The following PPP2R3B variants were observed in gnomAD, a reference collection of about 807,000 sequenced individuals.
The protein encoded by PPP2R3B is protein phosphatase 2 regulatory subunit B''beta.
A neutral mutation model predicts 72.9 loss-of-function variants in PPP2R3B; 68 were observed. The observed-to-expected ratio is 0.93, with a 90% CI of 0.77 to 1.14. The LOEUF (loss-of-function observed/expected upper bound fraction) is 1.14. Ranked by LOEUF, PPP2R3B falls within the 50% of genes most tolerant of loss-of-function variation. PPP2R3B has a pLI of 0.00. For missense variants in PPP2R3B, 1,018 were observed against 842.0 expected (o/e 1.21, Z -2.59); for synonymous variants, 466 against 375.8 (o/e 1.24, Z -2.78).
At position 361,342 on chromosome X, in the gene PPP2R3B, GCCTCA is replaced by G. The variant is rs1222610441; in HGVS notation, c.510+58_510+62del. 5 of 1,586,426 alleles carry G rather than the reference GCCTCA, an allele frequency of 3.2e-6. No homozygotes were observed. In the African/African-American group the frequency reaches 6.7e-5, roughly 21 times the overall value. ...GACACGCACCCACCACGGCCGCTCC[GCCTCA>G]CCCTCACATGCCCGCAGTACCACCT... On this transcript the variant is annotated intron_variant, in intron 2 of 12. Transcript: ENST00000390665.
chrX:362,000 T>C (rs1603091413), intron 1 of PPP2R3B, among the ~76,000 whole-genome samples: 1 of 152,226 alleles, frequency 6.6e-6, no homozygotes, highest in African/African-American at 2.4e-5. Context: ...CCCAGACGCC[T>C]GAGAGCTCAG....
At chrX:354,975 G>A (rs768508526) in intron 2 of PPP2R3B, among the ~76,000 whole-genome samples, 6 of 152,358 alleles carry the variant, frequency 3.9e-5, no homozygotes, top group Admixed American at 6.5e-5. Flanking sequence ...GGGAAGGGGC[G>A]TGCTCTCCAC....
At chrX:379,482 C>G (rs2072079374) in intron 1 of PPP2R3B, among the ~76,000 whole-genome samples, 1 of 152,024 alleles carries the variant, frequency 6.6e-6, no homozygotes, top group Non-Finnish European at 1.5e-5. Context: ...GTGTATGCAC[C>G]TGTGTGTGTG....
Position 386,699 on chromosome X carries a change from G to C in PPP2R3B, c.-8C>G. 1 of 1,271,660 alleles carries C rather than the reference G, an allele frequency of 7.9e-7. No individual in the cohort carries two copies. Among genetic ancestry groups the C allele is most frequent in the South Asian group, 2.7e-5 (1 of 36,998 alleles). The allele number at this position is 1,271,660 out of a possible 1,614,324, so 78.8% of individuals were successfully genotyped here. On this transcript the variant is annotated 5_prime_UTR_variant, in exon 1 of 13. Transcript: ENST00000390665. ...CACTTTGCCGGGCGGCATGGCGGGG[G>C]CTGGGCCCGCGGCGCCCCCGGACGC...
intron 1 of PPP2R3B, among the ~76,000 whole-genome samples, chrX:370,765 G>C (rs1202102866): frequency 1.3e-5 from 2 of 152,224 alleles, no homozygotes; most frequent in Non-Finnish European, 2.9e-5. Context: ...GGCCTTGGGA[G>C]GGGAACGGCA....
At chrX:372,760 C>T (rs1209761330) in intron 1 of PPP2R3B, among the ~76,000 whole-genome samples, 1 of 152,122 alleles carries the variant, frequency 6.6e-6, no homozygotes, top group Non-Finnish European at 1.5e-5. Context: ...GAGTTCAAGA[C>T]CAGCCTGGCC....
chrX:339,048 G>A (rs761679121), intron 10 of PPP2R3B, 152 bp from the exon 11 acceptor site: 35 of 722,364 alleles, frequency 4.8e-5, no homozygotes, highest in Admixed American at 2.2e-4. Context: ...AGGCGGACAC[G>A]CGAGTGTCCT....
At chrX:368,971 C>G (rs2071796268) in intron 1 of PPP2R3B, among the ~76,000 whole-genome samples, 1 of 152,236 alleles carries the variant, frequency 6.6e-6, no homozygotes, top group Admixed American at 6.5e-5. Context: ...CCCATGCGGG[C>G]ACAGAAGATT....
At chrX:365,203 ACT>A (rs2071681246) in intron 1 of PPP2R3B, among the ~76,000 whole-genome samples, 1 of 48,526 alleles carries the variant, frequency 2.1e-5, no homozygotes, top group African/African-American at 8.6e-5. Context: ...ACAGAGTGAG[ACT>A]CTGTCTCAAA....
At chrX:362,856 C>A (rs933281088) in intron 1 of PPP2R3B, among the ~76,000 whole-genome samples, 52 of 152,154 alleles carry the variant, frequency 3.4e-4, no homozygotes, top group Non-Finnish European at 6.8e-4. Context: ...CTGTCCCCAC[C>A]CTGCTACTGC....
intron 2 of PPP2R3B, among the ~76,000 whole-genome samples, chrX:351,207 C>T (rs1188777248): frequency 6.6e-6 from 1 of 152,164 alleles, no homozygotes. Flanking sequence ...GGAGCTCAGC[C>T]CTGGCCACCT....
intron 12 of PPP2R3B, chrX:338,007 A>C (rs1453520425): frequency 6.4e-6 from 1 of 157,016 alleles, no homozygotes; most frequent in Non-Finnish European, 1.4e-5. Context: ...CACCAGAAAC[A>C]CCGCTGTAAA....
chrX:338,246 C>G (rs1036033559), intron 12 of PPP2R3B: 4 of 436,514 alleles, frequency 9.2e-6, no homozygotes, highest in Non-Finnish European at 1.3e-5. Flanking sequence ...GGAATGGCCA[C>G]GGGCCCTGCA....
intron 1 of PPP2R3B, among the ~76,000 whole-genome samples, chrX:375,707 C>A (rs2071976413): frequency 1.3e-5 from 2 of 152,176 alleles, no homozygotes; most frequent in Non-Finnish European, 2.9e-5. Context: ...TGGGAGCCAA[C>A]CTCCTGTGAT....
At chrX:362,443 T>A (rs189577502) in intron 1 of PPP2R3B, 1,830 of 152,396 alleles carry the variant, frequency 0.012, 39 homozygotes, top group African/African-American at 0.042. Flanking sequence ...CGGGGCTGCG[T>A]CCTCCTCCTC....
At position 341,675 on chromosome X, in the gene PPP2R3B, C is replaced by G. The variant is rs760335200; in HGVS notation, c.1085+208G>C. 2.0e-4 allele frequency: 138 copies of G among 681,020 alleles called. No homozygotes were observed. The South Asian group carries it at 2.2e-3, about 11-fold the overall frequency. The allele number at this position is 681,020 out of a possible 1,614,324, so 42.2% of individuals were successfully genotyped here. A position where few individuals can be genotyped will look rare whatever the true frequency, so the allele number is the denominator to read the frequency against. ...CCCCCGACCTGGGGCCTGGGCCACC[C>G]CCTTCCTCAGACTTCGCGTGACAGT... On this transcript the variant is annotated intron_variant, in intron 8 of 12. Coordinates refer to ENST00000390665, the MANE Select transcript of PPP2R3B (RefSeq NM_013239.5).
chrX:341,843 A>C, intron 8 of PPP2R3B, 40 bp downstream of exon 8: 1 of 1,608,758 alleles, frequency 6.2e-7, no homozygotes, highest in Non-Finnish European at 8.5e-7. Flanking sequence ...GGGTCCTCGC[A>C]GGGGCAATGG....
rs745554800 is a variant in PPP2R3B, at chrX:363,546, C to G, written c.325-1956G>C. Among the ~76,000 whole-genome samples the G allele has an allele frequency of 2.0e-3, 283 of 139,330 alleles. 4 individuals are homozygous for G. Among genetic ancestry groups the G allele is most frequent in the Middle Eastern group, 0.014 (3 of 220 alleles). The allele number at this position is 139,330 out of a possible 152,430, so 91.4% of individuals were successfully genotyped here. ...CCCGCAGTGCATCTCCCCGAGCCCGCGATCCCGCAGTGCATCTCCATGAGT... is the reference window on the plus strand; with the variant it reads ...CCCGCAGTGCATCTCCCCGAGCCCGGGATCCCGCAGTGCATCTCCATGAGT... On this transcript the variant is annotated intron_variant, in intron 1 of 12. Coordinates refer to ENST00000390665, the MANE Select transcript of PPP2R3B (RefSeq NM_013239.5).
intron 2 of PPP2R3B, among the ~76,000 whole-genome samples, chrX:354,460 C>T (rs1449176841): frequency 1.3e-5 from 2 of 152,274 alleles, no homozygotes; most frequent in Non-Finnish European, 2.9e-5. Flanking sequence ...TCACCTTTTA[C>T]AGGACCAAAG....
Sources: gnomAD v4.1 joint callset for allele counts (sites outside exome capture counted in the v4.1 genomes callset) on GRCh38, gnomAD v4.1.1 for gene constraint, MANE v1.5 for transcripts, NCBI Gene and HGNC (gene_info 2026-07-23, HGNC 2026-07-21) for gene names.